Variants in ACSM2A observed in about 807,000 individuals in gnomAD.
ACSM2A encodes acyl-CoA synthetase medium chain family member 2A.
ACSM2A carries 72 observed loss-of-function variants against 76.6 expected under a neutral mutation model. The observed-to-expected ratio is 0.94, with a 90% CI of 0.78 to 1.14. The LOEUF (loss-of-function observed/expected upper bound fraction) is 1.14. ACSM2A is among the 50% of genes most tolerant of loss of function. The probability of loss-of-function intolerance (pLI) is 0.00; values close to 1 mark genes in which losing one functional copy is unlikely to be tolerated. For synonymous variants in ACSM2A, 249 were observed against 255.9 expected (o/e 0.97, Z 0.26); for missense variants, 684 against 708.5 (o/e 0.97, Z 0.39).
rs375580836 is a variant in ACSM2A at position 20,480,822 on chromosome 16, G to T, written c.1410G>T (p.Gly470=). 23 of 1,613,786 alleles carry T rather than the reference G, an allele frequency of 1.4e-5. No homozygotes were observed. The highest frequency in any genetic ancestry group is 1.9e-5 in the Non-Finnish European group (22 of 1,179,876). The stretch of plus-strand genomic sequence containing the variant: ...CTCTGAAGGACAGGTTCTTCTGCAG[G>T]TACCGGATTGGACCCTCGGAGGTAG... ...GRANDIINSS[G]YRIGPSEVEN... Residue 470 remains glycine, a splice_region_variant and synonymous_variant, in exon 12 of 14, where the codon GGG becomes GGT. Transcript: ENST00000573854.
chr16:20,483,029 C>T (rs1454177963), intron 12 of ACSM2A, 29 bp from the exon 13 acceptor site: 2 of 1,611,886 alleles, frequency 1.2e-6, no homozygotes, highest in Non-Finnish European at 1.7e-6. Context: ...ACTCTAATCC[C>T]TTCTCTCTGG....
At position 20,471,116 on chromosome 16, in the gene ACSM2A, G is replaced by A; in HGVS notation, c.640G>A (p.Glu214Lys). The A allele has an allele frequency of 1.2e-6, 2 of 1,613,682 alleles. No homozygotes were observed. Reference protein sequence around the residue: ...THHCVETGSQEASAIYFTSGT... With the variant: ...THHCVETGSQKASAIYFTSGT... ...TCACTGTGTGGAGACTGGAAGCCAGGAAGCATCTGCCATCTACTTCACTAG... is the reference window on the plus strand; with the variant it reads ...TCACTGTGTGGAGACTGGAAGCCAGAAAGCATCTGCCATCTACTTCACTAG... The change falls in exon 5 of 14, where the codon GAA (glutamate) becomes AAA (lysine). Residue 214 changes from glutamate to lysine, a missense_variant. Physicochemically the swap from Glu to Lys is moderately conservative, Grantham distance 56. This residue lies in a region of ACSM2A where 519 missense variants were observed against 549.5 expected (regional missense o/e 0.94). Coordinates refer to ENST00000573854, the MANE Select transcript of ACSM2A (RefSeq NM_001308172.2).
At chr16:20,478,028 T>A (rs2013850746) in intron 9 of ACSM2A, among the ~76,000 whole-genome samples, 2 of 152,216 alleles carry the variant, frequency 1.3e-5, no homozygotes, top group Non-Finnish European at 2.9e-5. Context: ...GTTCTGTATA[T>A]CTAAAGTGTA....
At chr16:20,460,659 A>C (rs2012568982) in intron 2 of ACSM2A, among the ~76,000 whole-genome samples, 1 of 149,140 alleles carries the variant, frequency 6.7e-6, no homozygotes, top group African/African-American at 2.5e-5. Flanking sequence ...CCTGGGCAAC[A>C]CAGCGAGACT....
At position 20,483,323 on chromosome 16, in the gene ACSM2A, A is replaced by G. The variant is rs568574847; in HGVS notation, c.1629+146A>G. 5 of 1,331,740 alleles carry G rather than the reference A, an allele frequency of 3.8e-6. No individual in the cohort carries two copies. The East Asian group carries it at 1.4e-4, about 38-fold the overall frequency. 82.5% of individuals were successfully genotyped at this position (1,331,740 alleles called of 1,614,324 possible). A position where few individuals can be genotyped will look rare whatever the true frequency, so the allele number is the denominator to read the frequency against. ...GGCAGCTCACGCCTGTAATCCCAGC[A>G]CTTTGGGAGGCTGAGGCGGGTGGAT... is the stretch of plus-strand genomic sequence containing the variant. On this transcript the variant is annotated intron_variant, in intron 13 of 13. Coordinates refer to ENST00000573854, the MANE Select transcript of ACSM2A (RefSeq NM_001308172.2).
chr16:20,477,315 T>G, intron 8 of ACSM2A, 54 bp from the exon 9 acceptor site: 1 of 1,575,738 alleles, frequency 6.3e-7, no homozygotes, highest in Non-Finnish European at 8.6e-7. Context: ...TTTCTTTTTC[T>G]GTGACCTTGT....
intron 6 of ACSM2A, chr16:20,474,369 G>A (rs548751397): frequency 5.6e-6 from 1 of 177,154 alleles, no homozygotes; most frequent in Non-Finnish European, 1.2e-5. Context: ...TGGAGAGTGG[G>A]TCTGTTATAT....
intron 4 of ACSM2A, chr16:20,470,679 C>A (rs1257858523): frequency 7.6e-6 from 3 of 393,002 alleles, no homozygotes; most frequent in Non-Finnish European, 1.5e-5. Flanking sequence ...TAATTCCACC[C>A]CTCCTGTCCA....
At chr16:20,460,378 A>C in intron 2 of ACSM2A, 87 bp downstream of exon 2, 9 of 1,500,798 alleles carry the variant, frequency 6.0e-6, no homozygotes, top group Non-Finnish European at 8.0e-6. Context: ...TTTGTTAAGT[A>C]CTTATTACAT....
Position 20,478,605 on chromosome 16 carries a change from C to T in ACSM2A, c.1209C>T (p.Pro403=). Residue 403 remains proline, a synonymous_variant, in exon 10 of 14, where the codon CCC becomes CCT. Transcript: ENST00000573854. ...QIIDDKGNVL[P]PGTEGDIGIR... ...TAGATGATAAGGGCAACGTCCTGCC[C>T]CCCGGCACAGAAGGAGACATTGGCA... is the stretch of plus-strand genomic sequence containing the variant. The T allele has an allele frequency of 3.1e-6, 5 of 1,613,936 alleles. No homozygotes were observed. Among genetic ancestry groups the T allele is most frequent in the Middle Eastern group, 1.7e-4 (1 of 6,058 alleles).
chr16:20,478,528 C>G, intron 9 of ACSM2A, 48 bp from the exon 10 acceptor site: 1 of 1,585,298 alleles, frequency 6.3e-7, no homozygotes, highest in Non-Finnish European at 8.6e-7. Flanking sequence ...GCCATTGAAG[C>G]CATCTCCTGC....
At chr16:20,482,522 A>G (rs1463939276) in intron 12 of ACSM2A, 1 of 153,680 alleles carries the variant, frequency 6.5e-6, no homozygotes, top group Admixed American at 6.4e-5. Context: ...TGGCACTATC[A>G]TACCTCTGGT....
In ACSM2A at chr16:20,459,402, T is replaced by A. The variant is rs147900060; in HGVS notation, c.-8-705T>A. Among the ~76,000 whole-genome samples the A allele has an allele frequency of 1.9e-4, 29 of 152,340 alleles. No individual in the cohort carries two copies. The East Asian group carries it at 5.2e-3, about 27-fold the overall frequency. ...TTCACTTTAAAGAAAAGGATGCTAC[T>A]TGTATTAGTTAGCATTTGCTACAGT... On this transcript the variant is annotated intron_variant, in intron 1 of 13. Coordinates refer to ENST00000573854, the MANE Select transcript of ACSM2A (RefSeq NM_001308172.2).
intron 8 of ACSM2A, chr16:20,476,423 T>A: frequency 1.0e-6 from 1 of 985,598 alleles, no homozygotes; most frequent in East Asian, 1.1e-4. Flanking sequence ...TCTCTTACCC[T>A]GCATCCTTCT....
intron 1 of ACSM2A, among the ~76,000 whole-genome samples, chr16:20,456,349 A>G (rs953172514): frequency 2.9e-5 from 4 of 138,800 alleles, no homozygotes; most frequent in Admixed American, 2.9e-4. Context: ...TGGAATACAC[A>G]TTTTATTCAT....
At chr16:20,459,424 C>T (rs1207292008) in intron 1 of ACSM2A, among the ~76,000 whole-genome samples, 2 of 152,302 alleles carry the variant, frequency 1.3e-5, no homozygotes, top group South Asian at 2.1e-4. Flanking sequence ...GCATTTGCTA[C>T]AGTAACAAAC....
intron 9 of ACSM2A, among the ~76,000 whole-genome samples, chr16:20,478,232 G>A (rs2013862677): frequency 6.6e-6 from 1 of 152,192 alleles, no homozygotes; most frequent in South Asian, 2.1e-4. Context: ...TAGTAAGGTA[G>A]CAGAGTAAAT....
At chr16:20,466,664 G>A (rs1415482642) in intron 3 of ACSM2A, among the ~76,000 whole-genome samples, 2 of 152,204 alleles carry the variant, frequency 1.3e-5, no homozygotes, top group Non-Finnish European at 1.5e-5. Flanking sequence ...CTGTCTTCTT[G>A]TGTTGAGTCA....
intron 1 of ACSM2A, among the ~76,000 whole-genome samples, chr16:20,457,125 G>C (rs1291914647): frequency 6.6e-6 from 1 of 151,858 alleles, no homozygotes; most frequent in Non-Finnish European, 1.5e-5. Context: ...AGCCTGAACA[G>C]ACCAATAACA....
Sources: allele counts gnomAD v4.1 joint callset (sites outside exome capture counted in the v4.1 genomes callset), GRCh38; gene constraint gnomAD v4.1.1; regional missense constraint gnomAD v4.1.1; transcripts MANE v1.5; gene names NCBI Gene and HGNC (gene_info 2026-07-23, HGNC 2026-07-21).